Variants in USP6NL observed in about 807,000 individuals in gnomAD.
The protein encoded by USP6NL is USP6 N-terminal-like protein.
A neutral mutation model predicts 61.9 loss-of-function variants in USP6NL; 26 were observed. The observed-to-expected ratio is 0.42, with a 90% CI of 0.31 to 0.58. USP6NL has a LOEUF of 0.58. Ranked by LOEUF, USP6NL falls within the 20% of genes least tolerant of loss-of-function variation. The probability of loss-of-function intolerance (pLI) is 0.16; values close to 1 mark genes in which losing one functional copy is unlikely to be tolerated. For missense variants in USP6NL, 1,114 were observed against 1,034.3 expected, an observed-to-expected ratio of 1.08 and a Z score of -1.06; for synonymous variants, 432 against 390.1, an observed-to-expected ratio of 1.11 and a Z score of -1.27.
chr10:11,485,320 C>A lies in USP6NL; in HGVS notation c.760-86G>T. ...ACTAAGTTAGGAAGGCTGTTGGATG[C>A]AGCTATCAAAGCTAAACACATTTAC... is the stretch of plus-strand genomic sequence containing the variant. On this transcript the variant is annotated intron_variant, in intron 11 of 14. Transcript: ENST00000609104. The surrounding 1 kb of genome is among the most constrained non-coding windows in gnomAD (Gnocchi z 4.8). 9.1e-7 allele frequency: 1 copy of A among 1,100,958 alleles called. No homozygotes were observed. Among genetic ancestry groups the A allele is most frequent in the South Asian group, 1.6e-5 (1 of 61,424 alleles). 68.2% of individuals were successfully genotyped at this position (1,100,958 alleles called of 1,614,324 possible). A position where few individuals can be genotyped will look rare whatever the true frequency, so the allele number is the denominator to read the frequency against.
rs1282035193 is a variant in USP6NL at position 11,564,904 on chromosome 10, A to AT, written c.4+32726dup. The AT allele has an allele frequency of 2.0e-5, 3 of 152,208 alleles. No homozygotes were observed. In the East Asian group the frequency reaches 5.8e-4, roughly 29 times the overall value. 9.4% of individuals were successfully genotyped at this position (152,208 alleles called of 1,614,324 possible). A position where few individuals can be genotyped will look rare whatever the true frequency, so the allele number is the denominator to read the frequency against. ...ATACAAAGTAACTTGCACAACATATATTTGGGACAGTACATGCAATCCAAA... is the reference window on the plus strand; with the variant it reads ...ATACAAAGTAACTTGCACAACATATATTTTGGGACAGTACATGCAATCCAAA... On this transcript the variant is annotated intron_variant, in intron 2 of 14. Transcript: ENST00000609104.
chr10:11,607,066 G>C (rs1325224831), intron 1 of USP6NL, among the ~76,000 whole-genome samples: 2 of 152,126 alleles, frequency 1.3e-5, no homozygotes, highest in Non-Finnish European at 1.5e-5. Flanking sequence ...TGGGCTTATA[G>C]GAGTGAGCTA....
In USP6NL at chr10:11,525,623, C is replaced by T. The variant is rs1415276291; in HGVS notation, c.73-155G>A. On this transcript the variant is annotated intron_variant, in intron 3 of 14. Transcript: ENST00000609104. The surrounding 1 kb of genome is among the most constrained non-coding windows in gnomAD (Gnocchi z 5.0). ...TATGAGCCTTAACATTTTTTTTTCC[C>T]CTTTAAACCCAACTATTTTTGGCAA... Among the ~76,000 whole-genome samples the T allele has an allele frequency of 6.6e-6, 1 of 151,746 alleles. No homozygotes were observed. The highest frequency in any genetic ancestry group is 2.4e-5 in the African/African-American group (1 of 41,324).
At chr10:11,552,094 G>A (rs950436089) in intron 2 of USP6NL, among the ~76,000 whole-genome samples, 3 of 152,040 alleles carry the variant, frequency 2.0e-5, no homozygotes, top group Non-Finnish European at 4.4e-5. Context: ...TATACTTCCT[G>A]CCAAGACTAA....
intron 2 of USP6NL, among the ~76,000 whole-genome samples, chr10:11,568,224 A>C (rs1837237329): frequency 6.6e-6 from 1 of 152,044 alleles, no homozygotes; most frequent in African/African-American, 2.4e-5. Context: ...AGGCATTATG[A>C]ATTGACACTG....
At chr10:11,606,867 T>C (rs960855502) in intron 1 of USP6NL, among the ~76,000 whole-genome samples, 2 of 150,892 alleles carry the variant, frequency 1.3e-5, no homozygotes, top group African/African-American at 4.9e-5. Flanking sequence ...CTCGGCTCAG[T>C]GCAACCTCCA....
rs748140690 is a variant in USP6NL, at chr10:11,499,661, C to T, written c.384+1440G>A. On this transcript the variant is annotated intron_variant, in intron 7 of 14. Transcript: ENST00000609104. This position sits in a 1 kb window ranked among gnomAD's most constrained non-coding sequence, Gnocchi z 4.5. ...GGTGATAAGGAAGACAGGGATGGAG[C>T]GATGCCAAAATGCACTAAGGATGGT... Among the ~76,000 whole-genome samples, 4 of 152,118 alleles carry T rather than the reference C, an allele frequency of 2.6e-5. No individual in the cohort carries two copies. The highest frequency in any genetic ancestry group is 2.1e-4 in the South Asian group (1 of 4,830).
intron 2 of USP6NL, among the ~76,000 whole-genome samples, chr10:11,554,966 A>AT (rs764342021): frequency 0.4 from 45,069 of 111,886 alleles, 10,680 homozygotes; most frequent in Middle Eastern, 0.54. Context: ...TGCCCGGCTA[A>AT]TTTTTTTTTT....
At chr10:11,608,334 T>C in intron 1 of USP6NL, among the ~76,000 whole-genome samples, 1 of 152,236 alleles carries the variant, frequency 6.6e-6, no homozygotes, top group South Asian at 2.1e-4. Flanking sequence ...CCTTCTCTAA[T>C]GGCTATGGAA....
chr10:11,519,709 C>T (rs1835125542), intron 4 of USP6NL, among the ~76,000 whole-genome samples: 1 of 152,106 alleles, frequency 6.6e-6, no homozygotes, highest in South Asian at 2.1e-4. Flanking sequence ...TAAATATACA[C>T]TAAAAGATCA....
At position 11,566,158 on chromosome 10, in the gene USP6NL, G is replaced by A. The variant is rs543513587; in HGVS notation, c.4+31473C>T. On this transcript the variant is annotated intron_variant, in intron 2 of 14. Transcript: ENST00000609104. ...TCTGAAATGCCTGATGAAGGAGGCT[G>A]TACTTCACCCTGAAAGCAGTGAGCA... Among the ~76,000 whole-genome samples, 3 of 152,324 alleles carry A rather than the reference G, an allele frequency of 2.0e-5. No homozygotes were observed. The East Asian group carries it at 5.8e-4, about 29-fold the overall frequency.
In USP6NL at chr10:11,610,527, T is replaced by C. The variant is rs796295709; in HGVS notation, c.-84+916A>G. Among the ~76,000 whole-genome samples, 43 of 152,298 alleles carry C rather than the reference T, an allele frequency of 2.8e-4. 1 individual carries two copies. Among genetic ancestry groups the C allele is most frequent in the African/African-American group, 1.0e-3 (42 of 41,564 alleles). On this transcript the variant is annotated intron_variant, in intron 1 of 14. Coordinates refer to ENST00000609104, the MANE Select transcript of USP6NL (RefSeq NM_014688.5). ...TCTAAGCTATGAAATATTAAATATC[T>C]ATCCCAAAGGTGTAATTATTTTTAT...
chr10:11,526,537 C>G (rs1835427839), intron 3 of USP6NL, among the ~76,000 whole-genome samples: 1 of 152,170 alleles, frequency 6.6e-6, no homozygotes, highest in Admixed American at 6.6e-5. Flanking sequence ...TACAATAAAA[C>G]CTCATCACAA....
rs1308601873 is a variant in USP6NL at position 11,495,265 on chromosome 10, T to G, written c.385-2037A>C. Among the ~76,000 whole-genome samples the G allele has an allele frequency of 6.6e-6, 1 of 152,198 alleles. No individual in the cohort carries two copies. The highest frequency in any genetic ancestry group is 1.5e-5 in the Non-Finnish European group (1 of 68,034). On this transcript the variant is annotated intron_variant, in intron 7 of 14. Coordinates refer to ENST00000609104, the MANE Select transcript of USP6NL (RefSeq NM_014688.5). This position sits in a 1 kb window ranked among gnomAD's most constrained non-coding sequence, Gnocchi z 4.6. ...GATTATAGAGCGAGGATTATTATAA[T>G]ATTGGAATATAGAGTAATTGCTACA... is the stretch of plus-strand genomic sequence containing the variant.
chr10:11,572,483 A>T (rs1207412073), intron 2 of USP6NL, among the ~76,000 whole-genome samples: 2 of 152,016 alleles, frequency 1.3e-5, no homozygotes, highest in Admixed American at 1.3e-4. Flanking sequence ...TTCTTCCACA[A>T]AATGAAATAA....
chr10:11,582,046 C>T (rs780746176), intron 2 of USP6NL, among the ~76,000 whole-genome samples: 3 of 152,164 alleles, frequency 2.0e-5, no homozygotes, highest in Non-Finnish European at 4.4e-5. Flanking sequence ...CTCACTGCAA[C>T]CTCCACCTCC....
intron 2 of USP6NL, among the ~76,000 whole-genome samples, chr10:11,530,266 C>G (rs955933772): frequency 1.3e-5 from 2 of 152,098 alleles, no homozygotes; most frequent in Non-Finnish European, 2.9e-5. Context: ...ATACCAGTCC[C>G]TTAATCCTGC....
Position 11,517,012 on chromosome 10 carries a change from G to C in USP6NL, c.195+1523C>G, listed in dbSNP as rs188150782. Reference sequence around the variant, plus strand: ...TTTCTGGATCAGGAAATTACAAAAGGGGGAGGGGAATGTTGGAGAGAGAAG... The same window carrying C: ...TTTCTGGATCAGGAAATTACAAAAGCGGGAGGGGAATGTTGGAGAGAGAAG... On this transcript the variant is annotated intron_variant, in intron 5 of 14. Transcript: ENST00000609104. Among the ~76,000 whole-genome samples the C allele has an allele frequency of 2.1e-3, 326 of 152,290 alleles. 11 individuals are homozygous for C. In the South Asian group the frequency reaches 0.063, roughly 29 times the overall value.
At chr10:11,576,890 G>C (rs915686314) in intron 2 of USP6NL, among the ~76,000 whole-genome samples, 3 of 151,958 alleles carry the variant, frequency 2.0e-5, no homozygotes, top group Non-Finnish European at 4.4e-5. Flanking sequence ...TAAGTTCCCT[G>C]GTAAGCCTGA....
Sources: gnomAD v4.1 joint callset for allele counts (sites outside exome capture counted in the v4.1 genomes callset) on GRCh38, gnomAD v4.1.1 for gene constraint, Gnocchi (gnomAD v3.1) non-coding constraint, MANE v1.5 for transcripts, NCBI Gene and HGNC (gene_info 2026-07-23, HGNC 2026-07-21) for gene names.